Variants in KIF14 observed in about 807,000 individuals in gnomAD.
KIF14 encodes kinesin-like protein KIF14.
In KIF14, 98 loss-of-function variants were observed where a neutral mutation model predicts 176.2. The observed-to-expected ratio is 0.56, with a 90% CI of 0.47 to 0.66. KIF14 has a LOEUF of 0.66. KIF14 is among the 30% of genes least tolerant of loss of function. The probability of loss-of-function intolerance (pLI) is 0.00; values close to 1 mark genes in which losing one functional copy is unlikely to be tolerated. For missense variants in KIF14, 1,751 were observed against 1,920.4 expected (o/e 0.91, Z 1.65); for synonymous variants, 566 against 632.2 (o/e 0.90, Z 1.57).
At chr1:200,571,344 T>C (rs1316682174) in intron 22 of KIF14, among the ~76,000 whole-genome samples, 3 of 147,076 alleles carry the variant, frequency 2.0e-5, no homozygotes, top group African/African-American at 7.5e-5. Context: ...AAAGCCCCAA[T>C]TTCTGCTTTG....
chr1:200,606,580 G>A (rs1659890998), intron 6 of KIF14, among the ~76,000 whole-genome samples, 166 bp downstream of exon 6: 1 of 152,056 alleles, frequency 6.6e-6, no homozygotes, highest in Non-Finnish European at 1.5e-5. Context: ...TGGAAAGAGA[G>A]GGAAAACCTA....
At chr1:200,599,355 C>T (rs981132997) in intron 13 of KIF14, among the ~76,000 whole-genome samples, 1 of 152,200 alleles carries the variant, frequency 6.6e-6, no homozygotes, top group Non-Finnish European at 1.5e-5. Context: ...CTAAAGACAA[C>T]TCAAACTTTT....
chr1:200,580,451 C>A, intron 20 of KIF14, 68 bp from the exon 21 acceptor site: 1 of 1,065,620 alleles, frequency 9.4e-7, no homozygotes, highest in South Asian at 3.0e-5. Context: ...TAAGAGTTTT[C>A]TGGGGTAGAA....
intron 14 of KIF14, among the ~76,000 whole-genome samples, chr1:200,594,368 C>CAA (rs371729211): frequency 2.7e-4 from 25 of 92,482 alleles, no homozygotes; most frequent in East Asian, 1.1e-3. Context: ...CCCAAAAATT[C>CAA]AAAAAAAAAA....
intron 21 of KIF14, among the ~76,000 whole-genome samples, chr1:200,578,746 T>C (rs757951829): frequency 6.6e-6 from 1 of 152,184 alleles, no homozygotes; most frequent in Non-Finnish European, 1.5e-5. Flanking sequence ...TAAAGGCTTA[T>C]CAAAATATGT....
Position 200,553,698 on chromosome 1 carries a change from TA to T in KIF14, c.4636del (p.Tyr1546ThrfsTer18). ...AGTAGAAGGCACACTGAAGTCACTGTAAAAATCACTGGCCAAGTTGCGAATA... is the reference window on the plus strand; with the variant it reads ...AGTAGAAGGCACACTGAAGTCACTGTAAAATCACTGGCCAAGTTGCGAATA... ...ESIRNLASDFYSDFSVPSTSV... is the reference protein window; with the variant it reads ...ESIRNLASDFXSDFSVPSTSV... On this transcript the variant is annotated frameshift_variant, in exon 30 of 30. Coordinates refer to ENST00000367350, the MANE Select transcript of KIF14 (RefSeq NM_014875.3). LOFTEE classifies it low-confidence loss of function (END_TRUNC). The T allele has an allele frequency of 6.2e-7, 1 of 1,613,038 alleles. No homozygotes were observed. The highest frequency in any genetic ancestry group is 8.5e-7 in the Non-Finnish European group (1 of 1,179,176).
intron 3 of KIF14, 150 bp downstream of exon 3, chr1:200,615,205 C>G: frequency 1.3e-6 from 1 of 782,970 alleles, no homozygotes; most frequent in East Asian, 2.5e-5. Context: ...GTAAATTGCC[C>G]AAGTTTGCAG....
intron 22 of KIF14, among the ~76,000 whole-genome samples, chr1:200,575,043 G>A (rs758917426): frequency 1.4e-5 from 2 of 140,300 alleles, no homozygotes; most frequent in Non-Finnish European, 3.0e-5. Flanking sequence ...TGCAAGTTTC[G>A]CCTCCCAGGT....
intron 23 of KIF14, among the ~76,000 whole-genome samples, chr1:200,567,657 C>T (rs1657545195): frequency 6.6e-6 from 1 of 151,922 alleles, no homozygotes; most frequent in Admixed American, 6.6e-5. Context: ...TCATTCAGAG[C>T]CTCTGGAAAT....
intron 25 of KIF14, among the ~76,000 whole-genome samples, chr1:200,563,882 A>G (rs1657294702): frequency 6.6e-6 from 1 of 152,136 alleles, no homozygotes; most frequent in Non-Finnish European, 1.5e-5. Context: ...TGATACTTGC[A>G]GCTAGATGTA....
chr1:200,598,555 AT>A (rs1485959475), intron 13 of KIF14, 134 bp from the exon 14 acceptor site: 1 of 567,038 alleles, frequency 1.8e-6, no homozygotes, highest in Non-Finnish European at 2.8e-6. Context: ...TTATTTATTT[AT>A]TTTTTTATTT....
At chr1:200,557,531 G>T (rs1656902223) in intron 27 of KIF14, among the ~76,000 whole-genome samples, 1 of 152,154 alleles carries the variant, frequency 6.6e-6, no homozygotes, top group African/African-American at 2.4e-5. Context: ...CAGGTAAGTT[G>T]TTCAAGGCTA....
chr1:200,606,632 C>A (rs1441349128), intron 6 of KIF14, 114 bp downstream of exon 6: 2 of 895,092 alleles, frequency 2.2e-6, no homozygotes, highest in Non-Finnish European at 3.7e-6. Context: ...AAATAGTTAC[C>A]CAGGGTTTCA....
intron 14 of KIF14, among the ~76,000 whole-genome samples, 195 bp downstream of exon 14, chr1:200,598,042 C>A (rs1335206556): frequency 6.6e-6 from 1 of 152,022 alleles, no homozygotes; most frequent in Admixed American, 6.6e-5. Context: ...GAGCATTACA[C>A]TGTACTTTAT....
In KIF14 at chr1:200,600,387, G is replaced by A; in HGVS notation, c.2269C>T (p.Gln757Ter). 1 of 1,613,762 alleles carries A rather than the reference G, an allele frequency of 6.2e-7. No homozygotes were observed. Among genetic ancestry groups the A allele is most frequent in the Non-Finnish European group, 8.5e-7 (1 of 1,179,746 alleles). The change falls in exon 12 of 30, where the codon CAA becomes TAA. Residue 757 changes from glutamine (Q) to a stop codon, truncating the protein, a stop_gained. Coordinates refer to ENST00000367350, the MANE Select transcript of KIF14 (RefSeq NM_014875.3). LOFTEE classifies it high-confidence loss of function. ...ATTTCTGCCATGTCTCTCTCCTGTTGATGCAGTTTCATTCTTAAGGATGTT... is the reference window on the plus strand; with the variant it reads ...ATTTCTGCCATGTCTCTCTCCTGTTAATGCAGTTTCATTCTTAAGGATGTT... ...EITSLRMKLHQQERDMAEMQR... is the reference protein window; with the variant it reads ...EITSLRMKLH
intron 17 of KIF14, 21 bp downstream of exon 17, chr1:200,590,104 A>T: frequency 1.9e-6 from 3 of 1,587,066 alleles, no homozygotes; most frequent in Non-Finnish European, 2.6e-6. Flanking sequence ...AAAAAAAAAT[A>T]AAACTAATTC....
intron 5 of KIF14, among the ~76,000 whole-genome samples, chr1:200,608,475 G>A (rs915000793): frequency 1.1e-4 from 17 of 151,140 alleles, no homozygotes; most frequent in African/African-American, 3.9e-4. Context: ...CAATTCTCCT[G>A]CCTCAGCCTC....
At chr1:200,602,094 T>C in intron 10 of KIF14, 26 bp from the exon 11 acceptor site, 1 of 1,600,436 alleles carries the variant, frequency 6.2e-7, no homozygotes, top group East Asian at 2.2e-5. Flanking sequence ...TCATAAGACT[T>C]TGCTTCTACA....
intron 25 of KIF14, among the ~76,000 whole-genome samples, chr1:200,564,128 G>A (rs1657309592): frequency 6.6e-6 from 1 of 151,930 alleles, no homozygotes; most frequent in South Asian, 2.1e-4. Flanking sequence ...CGAGCATGGT[G>A]GTGAGTGCCT....
Sources: allele counts gnomAD v4.1 joint callset (sites outside exome capture counted in the v4.1 genomes callset), GRCh38; gene constraint gnomAD v4.1.1; transcripts MANE v1.5; gene names NCBI Gene and HGNC (gene_info 2026-07-23, HGNC 2026-07-21).